STS: variants seen among roughly 807,000 people sequenced by gnomAD.
The protein encoded by STS is steroid sulfatase, also known as steryl-sulfatase.
Under a neutral mutation model 26.8 loss-of-function variants are expected in STS, and 7 were observed. The ratio of observed to expected loss-of-function variants is 0.26; its 90% CI spans 0.15 to 0.49. The LOEUF (loss-of-function observed/expected upper bound fraction) is 0.49, where lower values mean the gene tolerates loss of function less well. STS is among the 20% of genes least tolerant of loss of function. The pLI is 0.98. For missense variants in STS, 434 were observed against 465.6 expected (o/e 0.93, Z 0.63); for synonymous variants, 199 against 189.4 (o/e 1.05, Z -0.42).
intron 1 of STS, among the ~76,000 whole-genome samples, chrX:7,148,744 A>C (rs1240302923): frequency 8.9e-6 from 1 of 112,335 alleles, no homozygotes; most frequent in Non-Finnish European, 1.9e-5. Flanking sequence ...GAGAGGCTGC[A>C]CAACCTCCGT....
intron 8 of STS, among the ~76,000 whole-genome samples, chrX:7,316,741 C>T (rs1469494391): frequency 4.5e-5 from 5 of 111,602 alleles, no homozygotes; most frequent in African/African-American, 1.6e-4. Flanking sequence ...TGTTATATTT[C>T]CCATCTGCAA....
chrX:7,186,182 A>G (rs1054402282), intron 1 of STS, among the ~76,000 whole-genome samples: 2 of 112,940 alleles, frequency 1.8e-5, no homozygotes, highest in Non-Finnish European at 3.7e-5. Flanking sequence ...ACAACAGTCA[A>G]TATTGCAAAC....
chrX:7,218,686 G>A (rs1469900085), intron 2 of STS, among the ~76,000 whole-genome samples: 2 of 112,202 alleles, frequency 1.8e-5, no homozygotes, highest in Non-Finnish European at 3.8e-5. Context: ...AGATTCAGGA[G>A]ACTGGGTTAT....
chrX:7,167,788 A>G (rs1212602092), intron 1 of STS, among the ~76,000 whole-genome samples: 1 of 110,987 alleles, frequency 9.0e-6, no homozygotes, highest in East Asian at 2.8e-4. Flanking sequence ...CCTGCATTCA[A>G]GCCATCCTCC....
At chrX:7,269,016 T>C (rs1924144107) in intron 6 of STS, among the ~76,000 whole-genome samples, 1 of 106,422 alleles carries the variant, frequency 9.4e-6, no homozygotes, top group Non-Finnish European at 1.9e-5. Context: ...CTCGGCATGG[T>C]CGTGCACACC....
rs1231339267 is a variant in STS at position 7,190,400 on chromosome X, G to A, written c.-133-480G>A. Among the ~76,000 whole-genome samples, 8 of 111,692 alleles carry A rather than the reference G, an allele frequency of 7.2e-5. No individual in the cohort carries two copies. In the South Asian group the frequency reaches 3.0e-3, roughly 42 times the overall value. The stretch of plus-strand genomic sequence containing the variant: ...GTGATGGAGAATGGCTGTAAATACA[G>A]ATGAAGCTTGGCTCACCTGTTGTTT... On this transcript the variant is annotated intron_variant, in intron 1 of 10. Transcript: ENST00000674429.
chrX:7,312,804 A>G (rs1486496413), intron 8 of STS, among the ~76,000 whole-genome samples: 2 of 112,016 alleles, frequency 1.8e-5, no homozygotes, highest in African/African-American at 6.5e-5. Flanking sequence ...AGTCTCAGAT[A>G]TTTCTTCATA....
intron 7 of STS, among the ~76,000 whole-genome samples, chrX:7,285,615 C>G (rs1196942316): frequency 2.7e-5 from 3 of 111,810 alleles, no homozygotes; most frequent in African/African-American, 9.7e-5. Context: ...CAGAAAAAGA[C>G]ATTGATTATA....
intron 10 of STS, among the ~76,000 whole-genome samples, chrX:7,341,124 A>G (rs1390975314): frequency 8.9e-6 from 1 of 111,749 alleles, no homozygotes; most frequent in Non-Finnish European, 1.9e-5. Flanking sequence ...AGAAGGTCGC[A>G]TTACTGGCAT....
intron 8 of STS, among the ~76,000 whole-genome samples, chrX:7,324,268 AGGGAGTGT>A (rs1927252517): frequency 9.0e-6 from 1 of 110,877 alleles, no homozygotes; most frequent in Non-Finnish European, 1.9e-5. Flanking sequence ...AGTCAATAGA[AGGGAGTGT>A]CTGGGTTAAA....
At chrX:7,349,175 T>C (rs1274459232) in intron 10 of STS, among the ~76,000 whole-genome samples, 2 of 101,004 alleles carry the variant, frequency 2.0e-5, no homozygotes, top group African/African-American at 3.6e-5. Context: ...TAATTTCTTA[T>C]AGAGATGGGC....
chrX:7,147,649 G>A (rs898802850), upstream of STS, among the ~76,000 whole-genome samples: 4 of 112,202 alleles, frequency 3.6e-5, no homozygotes, highest in Non-Finnish European at 7.5e-5. Flanking sequence ...CTGAGGCTGG[G>A]CACCGCTCAA....
intron 1 of STS, among the ~76,000 whole-genome samples, chrX:7,179,123 T>TTG (rs1234012116): frequency 9.1e-6 from 1 of 110,083 alleles, no homozygotes; most frequent in Non-Finnish European, 1.9e-5. Context: ...CTAGTCCTTC[T>TTG]TGTGAAAGTG....
chrX:7,298,055 CACA>C (rs1309943559), intron 7 of STS, among the ~76,000 whole-genome samples: 8 of 110,946 alleles, frequency 7.2e-5, no homozygotes, highest in African/African-American at 2.6e-4. Context: ...TACAGCAAAG[CACA>C]ACTTCTCCTA....
intron 3 of STS, among the ~76,000 whole-genome samples, chrX:7,254,287 A>G (rs1200834184): frequency 4.5e-5 from 5 of 112,184 alleles, no homozygotes; most frequent in Non-Finnish European, 9.4e-5. Context: ...GGGTCTGAAC[A>G]TCCTCCCAGA....
intron 6 of STS, among the ~76,000 whole-genome samples, chrX:7,262,550 T>A (rs1470201498): frequency 8.9e-6 from 1 of 112,233 alleles, no homozygotes; most frequent in Non-Finnish European, 1.9e-5. Context: ...AAATTTGTTT[T>A]AAAGCTGAGG....
intron 2 of STS, among the ~76,000 whole-genome samples, chrX:7,206,132 T>G (rs1266608979): frequency 8.9e-6 from 1 of 112,122 alleles, no homozygotes; most frequent in Non-Finnish European, 1.9e-5. Context: ...CCCCCAGGCC[T>G]GTTCAATACT....
At chrX:7,325,306 C>T (rs1217579410) in intron 8 of STS, 33 bp from the exon 9 acceptor site, 1 of 1,204,401 alleles carries the variant, frequency 8.3e-7, no homozygotes, top group African/African-American at 1.8e-5. Flanking sequence ...TGAAATCTCC[C>T]TGTTGCCTCT....
chrX:7,268,108 G>A (rs1924094489), intron 6 of STS, among the ~76,000 whole-genome samples: 1 of 110,622 alleles, frequency 9.0e-6, no homozygotes, highest in Admixed American at 9.7e-5. Flanking sequence ...TCAAGGGGTG[G>A]GGGGGAAACA....
Sources: allele counts gnomAD v4.1 joint callset (sites outside exome capture counted in the v4.1 genomes callset), GRCh38; gene constraint gnomAD v4.1.1; transcripts MANE v1.5; gene names NCBI Gene and HGNC (gene_info 2026-07-23, HGNC 2026-07-21).